Variants in PROM1 observed in about 807,000 individuals in gnomAD.
PROM1 encodes prominin 1, also known as prominin-1.
PROM1 carries 105 observed loss-of-function variants against 116.9 expected under a neutral mutation model. The ratio of observed to expected loss-of-function variants is 0.90; its 90% CI spans 0.77 to 1.06. The LOEUF (loss-of-function observed/expected upper bound fraction) is 1.06, where lower values mean the gene tolerates loss of function less well. Ranked by LOEUF, PROM1 falls within the 50% of genes least tolerant of loss-of-function variation. The pLI is 0.00. For missense variants in PROM1, 1,122 were observed against 1,045.2 expected (o/e 1.07, Z -1.01); for synonymous variants, 393 against 387.0 (o/e 1.02, Z -0.18).
chr4:16,059,140 T>G (rs192548143), intron 2 of PROM1, among the ~76,000 whole-genome samples: 2 of 152,312 alleles, frequency 1.3e-5, no homozygotes, highest in Admixed American at 1.3e-4. Flanking sequence ...AAATGTATTA[T>G]GTAATAGCCT....
intron 11 of PROM1, among the ~76,000 whole-genome samples, chr4:16,012,857 C>T (rs1253116509): frequency 2.5e-5 from 3 of 122,382 alleles, no homozygotes; most frequent in East Asian, 4.9e-4. Context: ...AGCGACAGAG[C>T]GAGACTCTGT....
intron 14 of PROM1, among the ~76,000 whole-genome samples, chr4:15,999,143 T>C (rs1020346761): frequency 6.6e-6 from 1 of 152,204 alleles, no homozygotes; most frequent in Admixed American, 6.5e-5. Context: ...GACCCAGTGC[T>C]GCGCTATTTC....
intron 2 of PROM1, among the ~76,000 whole-genome samples, chr4:16,054,900 C>T (rs1738658895): frequency 6.6e-6 from 1 of 152,158 alleles, no homozygotes; most frequent in Non-Finnish European, 1.5e-5. Context: ...AATGTGAGGT[C>T]CTCAGCTGAT....
At chr4:16,026,415 G>C (rs528123157) in intron 5 of PROM1, among the ~76,000 whole-genome samples, 3 of 152,110 alleles carry the variant, frequency 2.0e-5, no homozygotes, top group African/African-American at 7.2e-5. Flanking sequence ...GCAGAAGCAA[G>C]TAAAAAACTT....
intron 5 of PROM1, among the ~76,000 whole-genome samples, chr4:16,031,046 A>C (rs190449932): frequency 3.3e-5 from 5 of 152,176 alleles, no homozygotes; most frequent in African/African-American, 1.2e-4. Context: ...ATTCTGTCTC[A>C]AAAAAACAAA....
chr4:16,029,360 G>T (rs1410152548), intron 5 of PROM1, among the ~76,000 whole-genome samples: 2 of 149,724 alleles, frequency 1.3e-5, no homozygotes, highest in Non-Finnish European at 3.0e-5. Context: ...TCAAGTCATG[G>T]TTTTTTTTTT....
chr4:15,971,163 G>T (rs1454858786), intron 26 of PROM1, 81 bp from the exon 27 acceptor site: 2 of 1,214,388 alleles, frequency 1.6e-6, no homozygotes, highest in African/African-American at 1.5e-5. Context: ...TAAGAAGCAG[G>T]CATGTGACTA....
intron 1 of PROM1, chr4:16,079,804 A>T (rs1323015083): frequency 6.6e-6 from 1 of 152,106 alleles, no homozygotes; most frequent in African/African-American, 2.4e-5. Context: ...CTTTCCAAGG[A>T]CACTTCAGGC....
intron 15 of PROM1, among the ~76,000 whole-genome samples, chr4:15,997,309 C>CATAT (rs143329386): frequency 3.7e-4 from 53 of 142,710 alleles, no homozygotes; most frequent in African/African-American, 9.8e-4. Context: ...GAAATGCAAA[C>CATAT]ATATATATAT....
At chr4:16,035,113 G>T (rs1168998316) in intron 4 of PROM1, among the ~76,000 whole-genome samples, 3 of 152,066 alleles carry the variant, frequency 2.0e-5, no homozygotes, top group Non-Finnish European at 4.4e-5. Flanking sequence ...ATGTGCTCAC[G>T]CTTAAGCTAA....
chr4:16,062,922 C>G (rs1740672797), intron 2 of PROM1, among the ~76,000 whole-genome samples: 1 of 152,102 alleles, frequency 6.6e-6, no homozygotes, highest in Non-Finnish European at 1.5e-5. Flanking sequence ...CCCTTTTCCC[C>G]TAAAAGTTGC....
intron 26 of PROM1, among the ~76,000 whole-genome samples, chr4:15,975,707 T>C (rs1053258931): frequency 1.3e-5 from 2 of 152,192 alleles, no homozygotes; most frequent in Non-Finnish European, 2.9e-5. Context: ...TGGGATGTCA[T>C]TTCCTAACCT....
chr4:15,974,660 A>G (rs1160587233), intron 26 of PROM1, among the ~76,000 whole-genome samples: 1 of 152,064 alleles, frequency 6.6e-6, no homozygotes, highest in African/African-American at 2.4e-5. Flanking sequence ...TTATAAACAC[A>G]GGGTCTTGTT....
intron 13 of PROM1, among the ~76,000 whole-genome samples, chr4:16,004,930 CCT>C (rs1309735608): frequency 3.6e-4 from 31 of 85,678 alleles, no homozygotes; most frequent in South Asian, 2.7e-3. Flanking sequence ...TTCCTTCCTT[CCT>C]CTTTCTTTTT....
At chr4:16,076,899 T>TA (rs757300288) in intron 1 of PROM1, among the ~76,000 whole-genome samples, 18 of 152,258 alleles carry the variant, frequency 1.2e-4, no homozygotes, top group Non-Finnish European at 2.5e-4. Flanking sequence ...GCATGCTCGT[T>TA]AAGAGTCATC....
chr4:15,982,675 GT>G (rs1267541697), intron 23 of PROM1, among the ~76,000 whole-genome samples: 1 of 152,164 alleles, frequency 6.6e-6, no homozygotes, highest in African/African-American at 2.4e-5. Flanking sequence ...ACTGAATGGG[GT>G]GGGTGGTGGA....
chr4:15,984,166 C>T, intron 23 of PROM1, 97 bp downstream of exon 23: 2 of 1,037,976 alleles, frequency 1.9e-6, no homozygotes, highest in Non-Finnish European at 2.9e-6. Flanking sequence ...TGGATTCTCT[C>T]AAGCAGAAAA....
intron 8 of PROM1, 87 bp downstream of exon 8, chr4:16,023,239 C>T: frequency 8.2e-7 from 1 of 1,219,184 alleles, no homozygotes; most frequent in Admixed American, 2.0e-5. Flanking sequence ...AGCCAGCTCT[C>T]AGGGAACAAG....
intron 13 of PROM1, among the ~76,000 whole-genome samples, chr4:16,005,146 A>G (rs946812638): frequency 2.0e-5 from 3 of 151,814 alleles, no homozygotes; most frequent in Admixed American, 1.3e-4. Flanking sequence ...TATTTTTAGT[A>G]GACATGGGGT....
Sources: gnomAD v4.1 joint callset for allele counts (sites outside exome capture counted in the v4.1 genomes callset) on GRCh38, gnomAD v4.1.1 for gene constraint, MANE v1.5 for transcripts, NCBI Gene and HGNC (gene_info 2026-07-23, HGNC 2026-07-21) for gene names.